Variants in SNAPIN observed in about 807,000 individuals in gnomAD.
The protein encoded by SNAPIN is SNARE-associated protein Snapin.
SNAPIN carries 16 observed loss-of-function variants against 15.9 expected under a neutral mutation model. The ratio of observed to expected loss-of-function variants is 1.01; its 90% CI spans 0.68 to 1.53. The LOEUF (loss-of-function observed/expected upper bound fraction) is 1.53. SNAPIN is among the 40% of genes most tolerant of loss of function. The pLI is 0.00. For missense variants in SNAPIN, 186 were observed against 180.1 expected (o/e 1.03, Z -0.19); for synonymous variants, 83 against 76.2 (o/e 1.09, Z -0.46).
intron 3 of SNAPIN, 30 bp downstream of exon 3, chr1:153,659,596 T>G (rs1174329657): frequency 6.7e-7 from 1 of 1,488,996 alleles, no homozygotes; most frequent in Non-Finnish European, 9.4e-7. Flanking sequence ...ACAGTGATTC[T>G]TTGCCCTTTT....
chr1:153,658,999 G>C, intron 1 of SNAPIN, 113 bp downstream of exon 1: 2 of 1,572,496 alleles, frequency 1.3e-6, no homozygotes, highest in Non-Finnish European at 1.7e-6. Flanking sequence ...GATTCGAGGC[G>C]GGGAGGACAG....
chr1:153,658,669 G>A, upstream of SNAPIN: 2 of 1,423,964 alleles, frequency 1.4e-6, no homozygotes, highest in Non-Finnish European at 1.8e-6. Context: ...GCCCCCTCAC[G>A]GGGCGGGGCA....
Position 153,659,503 on chromosome 1 carries a change from TAAG to T in SNAPIN, c.250_252del (p.Lys84del), listed in dbSNP as rs1557948818. The T allele has an allele frequency of 6.2e-7, 1 of 1,614,108 alleles. No individual in the cohort carries two copies. The highest frequency in any genetic ancestry group is 1.1e-5 in the South Asian group (1 of 91,080). On this transcript the variant is annotated inframe_deletion, in exon 3 of 4. Transcript: ENST00000368685. ...TGGCCCTGGATCTTGACCCCTATGT[TAAG>T]AAGCTACTTAATGCCCGGCGACGCG... is the stretch of plus-strand genomic sequence containing the variant.
chr1:153,661,270 G>C lies in SNAPIN; in HGVS notation c.380G>C (p.Gly127Ala). Residue 127 changes from glycine to alanine, a missense_variant, in exon 4 of 4, where the codon GGA becomes GCA. Coordinates refer to ENST00000368685, the MANE Select transcript of SNAPIN (RefSeq NM_012437.6). ...CGCAGGAGAGCAATGCTGGATTCGG[G>C]AATTTACCCCCCTGGCTCCCCAGGC... ...TARRRAMLDS[G>A]IYPPGSPGK 1 of 1,613,604 alleles carries C rather than the reference G, an allele frequency of 6.2e-7. No individual in the cohort carries two copies. Among genetic ancestry groups the C allele is most frequent in the Non-Finnish European group, 8.5e-7 (1 of 1,179,734 alleles).
chr1:153,658,692 T>A (rs1669070224), upstream of SNAPIN: 1 of 1,482,164 alleles, frequency 6.7e-7, no homozygotes, highest in Non-Finnish European at 8.9e-7. Context: ...GCGGCGCGGC[T>A]CCGGTTCCCG....
At chr1:153,660,902 A>C (rs1299152722) in intron 3 of SNAPIN, among the ~76,000 whole-genome samples, 1 of 151,464 alleles carries the variant, frequency 6.6e-6, no homozygotes, top group Admixed American at 6.6e-5. Context: ...CTCCTGCCTC[A>C]GATTACAAGC....
intron 2 of SNAPIN, 101 bp downstream of exon 2, chr1:153,659,285 G>A (rs896528923): frequency 6.5e-6 from 9 of 1,376,730 alleles, no homozygotes; most frequent in African/African-American, 4.3e-5. Context: ...TGCTTCCAGG[G>A]CATCAGGGCT....
chr1:153,658,900 A>C lies in SNAPIN; in HGVS notation c.143+14A>C, dbSNP rs1213049504. The C allele has an allele frequency of 6.2e-7, 1 of 1,608,460 alleles. No individual in the cohort carries two copies. The highest frequency in any genetic ancestry group is 1.1e-5 in the South Asian group (1 of 90,720). On this transcript the variant is annotated intron_variant, in intron 1 of 3. Transcript: ENST00000368685. ...ACACGCCGTCAGGTGCCCGGGAGGG[A>C]AGTTGGGGGCGGGGCCTGTCTCTCT...
intron 3 of SNAPIN, 70 bp from the exon 4 acceptor site, chr1:153,661,130 A>C: frequency 7.9e-7 from 1 of 1,262,068 alleles, no homozygotes; most frequent in Non-Finnish European, 1.2e-6. Context: ...GGTATTTTTC[A>C]GCACCTAGTT....
At chr1:153,660,580 G>A (rs1259070512) in intron 3 of SNAPIN, among the ~76,000 whole-genome samples, 3 of 151,362 alleles carry the variant, frequency 2.0e-5, no homozygotes, top group South Asian at 4.2e-4. Context: ...CCCGGGGGAC[G>A]GAGGTTGCGG....
chr1:153,658,719 G>A lies in SNAPIN; in HGVS notation c.-25G>A, dbSNP rs1348355973. On this transcript the variant is annotated 5_prime_UTR_variant, in exon 1 of 4. Coordinates refer to ENST00000368685, the MANE Select transcript of SNAPIN (RefSeq NM_012437.6). ...CGGTTCCCGGCGGCCCTCGCGGCAG[G>A]TTTCGGGCTTCAGGACAATTCGTGA... 4.6e-6 allele frequency: 7 copies of A among 1,511,424 alleles called. No individual in the cohort carries two copies. The African/African-American group carries it at 1.0e-4, about 22-fold the overall frequency. The allele number at this position is 1,511,424 out of a possible 1,614,324, so 93.6% of individuals were successfully genotyped here. A position where few individuals can be genotyped will look rare whatever the true frequency, so the allele number is the denominator to read the frequency against.
rs1669097543 is a variant in SNAPIN, at chr1:153,659,555, C to T, written c.298C>T (p.Gln100Ter). 1 of 1,608,456 alleles carries T rather than the reference C, an allele frequency of 6.2e-7. No individual in the cohort carries two copies. The highest frequency in any genetic ancestry group is 8.5e-7 in the Non-Finnish European group (1 of 1,174,828). Residue 100 changes from glutamine (Q) to a stop codon, truncating the protein, a stop_gained, in exon 3 of 4, where the codon CAG (glutamine) becomes TAG (stop). Transcript: ENST00000368685. LOFTEE classifies it high-confidence loss of function. ...RRVVLVNNIL[Q>*]NAQERLRRLN... ...CGTTGTCTTGGTTAACAACATTCTA[C>T]AGAATGCTCAGGTAAAAGAATATCT...
intron 1 of SNAPIN, 78 bp downstream of exon 1, chr1:153,658,964 G>T: frequency 6.3e-7 from 1 of 1,597,406 alleles, no homozygotes; most frequent in South Asian, 1.1e-5. Flanking sequence ...GTTCTGGCTG[G>T]GAGTGGGCAT....
At chr1:153,659,000 G>A in intron 1 of SNAPIN, 114 bp downstream of exon 1, 1 of 1,574,166 alleles carries the variant, frequency 6.4e-7, no homozygotes, top group Non-Finnish European at 8.7e-7. Flanking sequence ...ATTCGAGGCG[G>A]GGAGGACAGG....
intron 3 of SNAPIN, among the ~76,000 whole-genome samples, chr1:153,660,284 A>C (rs1444570697): frequency 6.6e-6 from 1 of 151,202 alleles, no homozygotes; most frequent in Non-Finnish European, 1.5e-5. Flanking sequence ...GGGCCTCCCA[A>C]AACGCTGGGA....
At chr1:153,660,840 A>G (rs1669135601) in intron 3 of SNAPIN, among the ~76,000 whole-genome samples, 2 of 147,122 alleles carry the variant, frequency 1.4e-5, no homozygotes, top group Admixed American at 6.9e-5. Flanking sequence ...GCTAGAGTGC[A>G]GTGGCACGAT....
At chr1:153,660,148 A>G (rs1017933483) in intron 3 of SNAPIN, among the ~76,000 whole-genome samples, 12 of 151,808 alleles carry the variant, frequency 7.9e-5, no homozygotes, top group Non-Finnish European at 1.8e-4. Context: ...TCAGCCTCCC[A>G]AGTAGCTGGG....
chr1:153,658,948 G>A, intron 1 of SNAPIN, 62 bp downstream of exon 1: 10 of 1,599,438 alleles, frequency 6.3e-6, no homozygotes, highest in Non-Finnish European at 8.5e-6. Flanking sequence ...GCGGGGCCAA[G>A]AAAGTGTTCT....
chr1:153,660,198 T>C (rs1571330995), intron 3 of SNAPIN, among the ~76,000 whole-genome samples: 1 of 151,960 alleles, frequency 6.6e-6, no homozygotes, highest in Admixed American at 6.6e-5. Flanking sequence ...AATTTTTGTA[T>C]TTTTTCTAGA....
Sources: gnomAD v4.1 joint callset for allele counts (sites outside exome capture counted in the v4.1 genomes callset) on GRCh38, gnomAD v4.1.1 for gene constraint, MANE v1.5 for transcripts, NCBI Gene and HGNC (gene_info 2026-07-23, HGNC 2026-07-21) for gene names.